CACNA2D1: variants seen among roughly 807,000 people sequenced by gnomAD.
The protein encoded by CACNA2D1 is calcium voltage-gated channel auxiliary subunit alpha2delta 1.
CACNA2D1 carries 53 observed loss-of-function variants against 171.5 expected under a neutral mutation model. That is an observed-to-expected ratio of 0.31 (90% CI 0.25 to 0.39). CACNA2D1 has a LOEUF of 0.39. CACNA2D1 is among the 10% of genes least tolerant of loss of function. The pLI is 1.00. For synonymous variants in CACNA2D1, 442 were observed against 443.1 expected (o/e 1.00, Z 0.03); for missense variants, 903 against 1,299.8 (o/e 0.69, Z 4.69).
At chr7:82,128,240 T>G (rs898067692) in intron 5 of CACNA2D1, among the ~76,000 whole-genome samples, 2 of 152,076 alleles carry the variant, frequency 1.3e-5, no homozygotes, top group African/African-American at 2.4e-5. Flanking sequence ...GCTACCTGTG[T>G]TTTTAAGTTT....
chr7:82,401,236 G>T (rs1346509557), intron 1 of CACNA2D1, among the ~76,000 whole-genome samples: 2 of 152,064 alleles, frequency 1.3e-5, no homozygotes, highest in Non-Finnish European at 2.9e-5. Context: ...AAATCATGCT[G>T]CTATAAAGAC....
intron 5 of CACNA2D1, among the ~76,000 whole-genome samples, chr7:82,123,262 C>T (rs2129059732): frequency 6.6e-6 from 1 of 152,256 alleles, no homozygotes; most frequent in South Asian, 2.1e-4. Context: ...TGGCTACATT[C>T]CATACAGAGA....
chr7:82,346,000 T>C (rs1040147994), intron 2 of CACNA2D1, among the ~76,000 whole-genome samples: 2 of 152,146 alleles, frequency 1.3e-5, no homozygotes, highest in Non-Finnish European at 2.9e-5. Context: ...CTCCACTTCT[T>C]TGACACTTTT....
chr7:82,431,791 G>T (rs966549762), intron 1 of CACNA2D1, among the ~76,000 whole-genome samples: 2 of 83,166 alleles, frequency 2.4e-5, no homozygotes, highest in African/African-American at 1.6e-4. Flanking sequence ...TGTAACCCCA[G>T]CACTTTGGAG....
chr7:82,282,399 T>C (rs1810231140), intron 3 of CACNA2D1, among the ~76,000 whole-genome samples: 1 of 152,078 alleles, frequency 6.6e-6, no homozygotes, highest in Non-Finnish European at 1.5e-5. Context: ...GAATTGAAAA[T>C]ACCCAGTATG....
chr7:82,155,969 G>C (rs1258125883), intron 4 of CACNA2D1, among the ~76,000 whole-genome samples: 1 of 151,968 alleles, frequency 6.6e-6, no homozygotes, highest in East Asian at 1.9e-4. Flanking sequence ...GTCACACATT[G>C]ATATTTTTAC....
chr7:82,185,504 G>GGAGGGGGAGGGGAGGA (rs1563172520), intron 3 of CACNA2D1, among the ~76,000 whole-genome samples: 1 of 22,308 alleles, frequency 4.5e-5, no homozygotes, highest in Non-Finnish European at 9.4e-5. Context: ...GGAGGGGAGG[G>GGAGGGGGAGGGGAGGA]GGAGGGGGAG....
chr7:82,150,257 T>TAAAAAAAAAAAAAA (rs565121488), intron 4 of CACNA2D1, among the ~76,000 whole-genome samples: 9 of 92,868 alleles, frequency 9.7e-5, no homozygotes, highest in African/African-American at 1.8e-4. Context: ...TAGATCAAAT[T>TAAAAAAAAAAAAAA]AAAAAAAAAA....
intron 3 of CACNA2D1, among the ~76,000 whole-genome samples, chr7:82,185,309 G>A (rs1457866710): frequency 1.3e-5 from 2 of 148,616 alleles, no homozygotes; most frequent in Admixed American, 6.8e-5. Context: ...CCACTTCGCT[G>A]CAGCATTCAC....
chr7:81,970,080 A>C, intron 27 of CACNA2D1, 96 bp from the exon 28 acceptor site: 1 of 765,010 alleles, frequency 1.3e-6, no homozygotes, highest in Non-Finnish European at 2.4e-6. Context: ...ATACGCCTAC[A>C]TCTCAGGTAT....
rs1344714549 is a variant in CACNA2D1, at chr7:81,970,726, T to C, written c.2153A>G (p.Lys718Arg). ...ACCATCAGTCACAACAAATCGTGCTTTCACTCCCTTGCTGAAACAGAAGAC... is the reference window on the plus strand; with the variant it reads ...ACCATCAGTCACAACAAATCGTGCTCTCACTCCCTTGCTGAAACAGAAGAC... ...WSKQKNIKGVKARFVVTDGGI... is the reference protein window; with the variant it reads ...WSKQKNIKGVRARFVVTDGGI... Residue 718 changes from lysine (K) to arginine (R), a missense_variant, in exon 27 of 39, where the codon AAA (lysine) becomes AGA (arginine). Physicochemically the swap from Lys to Arg is conservative, Grantham distance 26 (BLOSUM62 2). Around this residue, in one of 5 missense-constraint regions of CACNA2D1, gnomAD observed 623 missense variants for 925.5 expected, o/e 0.67. Coordinates refer to ENST00000356860, the MANE Select transcript of CACNA2D1 (RefSeq NM_000722.4). 6.3e-7 allele frequency: 1 copy of C among 1,587,668 alleles called. No homozygotes were observed.
At chr7:82,172,849 T>G (rs1423834971) in intron 3 of CACNA2D1, among the ~76,000 whole-genome samples, 1 of 114,088 alleles carries the variant, frequency 8.8e-6, no homozygotes. Context: ...AAAAAAAAAA[T>G]TCTGGAACTT....
chr7:82,364,965 T>C (rs749556829), intron 1 of CACNA2D1, among the ~76,000 whole-genome samples: 4 of 152,104 alleles, frequency 2.6e-5, no homozygotes, highest in African/African-American at 4.8e-5. Flanking sequence ...AAATAACACA[T>C]TCCTGATTGA....
chr7:82,298,870 C>A (rs560143508), intron 3 of CACNA2D1, among the ~76,000 whole-genome samples: 1 of 152,178 alleles, frequency 6.6e-6, no homozygotes, highest in East Asian at 1.9e-4. Flanking sequence ...CAAGACCAGC[C>A]TGGCCAATAT....
intron 1 of CACNA2D1, among the ~76,000 whole-genome samples, chr7:82,411,971 T>C (rs1827721462): frequency 6.6e-6 from 1 of 151,700 alleles, no homozygotes; most frequent in South Asian, 2.1e-4. Flanking sequence ...CCCTCTTTCA[T>C]AGTTAATCAT....
At chr7:82,424,058 T>C (rs989578881) in intron 1 of CACNA2D1, among the ~76,000 whole-genome samples, 3 of 152,208 alleles carry the variant, frequency 2.0e-5, no homozygotes, top group Admixed American at 6.6e-5. Context: ...ATATAAAATT[T>C]ACAAAATAAA....
rs768956676 is a variant in CACNA2D1 at position 82,032,819 on chromosome 7, T to C, written c.1121A>G (p.Asn374Ser). The change falls in exon 12 of 39, where the codon AAC (asparagine) becomes AGC (serine). Residue 374 changes from asparagine (N) to serine (S), a missense_variant. Asn to Ser is a conservative substitution (Grantham distance 46). This residue lies in a region of CACNA2D1 where 623 missense variants were observed against 925.5 expected (regional missense o/e 0.67). Coordinates refer to ENST00000356860, the MANE Select transcript of CACNA2D1 (RefSeq NM_000722.4). ...GGEERAQEIF[N>S]KYNKDKKVRV... ...CACTTTTTTATCTTTATTGTATTTGTTAAATATCTCCTGGGCTCTCTCTTC... is the reference window on the plus strand; with the variant it reads ...CACTTTTTTATCTTTATTGTATTTGCTAAATATCTCCTGGGCTCTCTCTTC... 1 of 1,557,820 alleles carries C rather than the reference T, an allele frequency of 6.4e-7. No homozygotes were observed. Among genetic ancestry groups the C allele is most frequent in the Non-Finnish European group, 8.8e-7 (1 of 1,131,566 alleles).
intron 3 of CACNA2D1, among the ~76,000 whole-genome samples, chr7:82,296,094 C>A (rs28408108): frequency 0.11 from 15,958 of 149,182 alleles, 1,892 homozygotes; most frequent in African/African-American, 0.29. Context: ...GAACATCACA[C>A]TCTGGGGACT....
intron 3 of CACNA2D1, among the ~76,000 whole-genome samples, chr7:82,196,290 AG>A (rs1186917123): frequency 6.6e-6 from 1 of 152,082 alleles, no homozygotes; most frequent in Non-Finnish European, 1.5e-5. Context: ...ATTTCCAGAC[AG>A]GAAGAGTGCC....
Sources: allele counts gnomAD v4.1 joint callset (sites outside exome capture counted in the v4.1 genomes callset), GRCh38; gene constraint gnomAD v4.1.1; regional missense constraint gnomAD v4.1.1; transcripts MANE v1.5; gene names NCBI Gene and HGNC (gene_info 2026-07-23, HGNC 2026-07-21).